AGPAT3: variants seen among roughly 807,000 people sequenced by gnomAD.
The protein encoded by AGPAT3 is 1-acyl-sn-glycerol-3-phosphate acyltransferase gamma.
AGPAT3 carries 5 observed loss-of-function variants against 47.3 expected under a neutral mutation model. The observed-to-expected ratio is 0.11, with a 90% CI of 0.06 to 0.22. The LOEUF (loss-of-function observed/expected upper bound fraction) is 0.22, where lower values mean the gene tolerates loss of function less well. Among genes scored for constraint, AGPAT3 ranks in the 10% least tolerant of loss-of-function variants. The pLI is 1.00. For missense variants in AGPAT3, 315 were observed against 493.0 expected, an observed-to-expected ratio of 0.64 and a Z score of 3.42; for synonymous variants, 212 against 208.3, an observed-to-expected ratio of 1.02 and a Z score of -0.15.
chr21:43,959,082 T>TGTGTGGCATGTGTGTGGTTTGC (rs1555909854), intron 2 of AGPAT3, among the ~76,000 whole-genome samples: 3 of 121,986 alleles, frequency 2.5e-5, no homozygotes, highest in Non-Finnish European at 5.0e-5. Flanking sequence ...GTGTGGTTTG[T>TGTGTGGCATGTGTGTGGTTTGC]GGTGTGTGTG....
intron 2 of AGPAT3, among the ~76,000 whole-genome samples, chr21:43,910,989 TTACTC>T (rs751573870): frequency 5.3e-5 from 8 of 152,218 alleles, no homozygotes; most frequent in Non-Finnish European, 8.8e-5. Context: ...ATTGCATTCT[TTACTC>T]CATTCCACAT....
intron 7 of AGPAT3, among the ~76,000 whole-genome samples, chr21:43,974,180 A>G (rs544306022): frequency 6.6e-6 from 1 of 151,980 alleles, no homozygotes; most frequent in Admixed American, 6.6e-5. Context: ...TGTGTGTTGT[A>G]TATGGGTGTG....
intron 2 of AGPAT3, among the ~76,000 whole-genome samples, chr21:43,951,447 G>A (rs3827249): frequency 0.27 from 40,842 of 152,114 alleles, 5,517 homozygotes; most frequent in Admixed American, 0.33. Context: ...TCGGAAGGGC[G>A]GCTTGGGCAG....
rs2030077763 is a variant in AGPAT3, at chr21:43,984,701, G to GTT, written c.*2309_*2310insTT. On this transcript the variant is annotated 3_prime_UTR_variant, in exon 10 of 10. Transcript: ENST00000291572. ...TTTGAATTTTTTTTTTTTGGGGGGG[G>GTT]GAGGGTGGATTTTGCTTTTCATCCA... The GTT allele has an allele frequency of 6.3e-6, 1 of 158,926 alleles. No individual in the cohort carries two copies. The highest frequency in any genetic ancestry group is 6.0e-5 in the Admixed American group (1 of 16,580). 9.8% of individuals were successfully genotyped at this position (158,926 alleles called of 1,614,324 possible).
At chr21:43,899,253 G>A (rs1034980652) in intron 1 of AGPAT3, among the ~76,000 whole-genome samples, 11 of 152,304 alleles carry the variant, frequency 7.2e-5, no homozygotes, top group East Asian at 3.9e-4. Flanking sequence ...TGGCAGTGCC[G>A]TTCTTTCAGC....
chr21:43,898,150 C>T (rs988959888), intron 1 of AGPAT3, among the ~76,000 whole-genome samples: 4 of 152,124 alleles, frequency 2.6e-5, no homozygotes, highest in Middle Eastern at 3.4e-3. Context: ...AGAGGGAGAG[C>T]GACAGTTGGT....
At chr21:43,974,507 T>G (rs571480780) in intron 7 of AGPAT3, among the ~76,000 whole-genome samples, 2 of 151,594 alleles carry the variant, frequency 1.3e-5, no homozygotes, top group East Asian at 3.9e-4. Context: ...GTGTGGGGTA[T>G]GTGTGGTATA....
In AGPAT3 at chr21:43,983,949, T is replaced by C. The variant is rs1175250461; in HGVS notation, c.*1557T>C. The C allele has an allele frequency of 1.3e-5, 2 of 152,200 alleles. No individual in the cohort carries two copies. Among genetic ancestry groups the C allele is most frequent in the East Asian group, 1.9e-4 (1 of 5,194 alleles). 9.4% of individuals were successfully genotyped at this position (152,200 alleles called of 1,614,324 possible). The stretch of plus-strand genomic sequence containing the variant: ...AGTAAACCGAGAACATAATTAGGCA[T>C]CGGGCCTAAGTGTCCTGGGGAGATT... On this transcript the variant is annotated 3_prime_UTR_variant, in exon 10 of 10. Transcript: ENST00000291572.
chr21:43,898,299 T>G (rs2086275053), intron 1 of AGPAT3, among the ~76,000 whole-genome samples: 1 of 152,238 alleles, frequency 6.6e-6, no homozygotes. Context: ...TTTCCTTTCC[T>G]TCTCCTTTCT....
At chr21:43,918,430 C>G (rs2086807527) in intron 2 of AGPAT3, among the ~76,000 whole-genome samples, 1 of 151,918 alleles carries the variant, frequency 6.6e-6, no homozygotes, top group African/African-American at 2.4e-5. Context: ...GGTATAATTG[C>G]ATTTCTAAAG....
At chr21:43,894,445 TGA>T in intron 1 of AGPAT3, among the ~76,000 whole-genome samples, 1 of 152,076 alleles carries the variant, frequency 6.6e-6, no homozygotes, top group Non-Finnish European at 1.5e-5. Flanking sequence ...ACCCACTATA[TGA>T]CTCACCCATT....
Position 43,970,807 on chromosome 21 carries a change from GT to G in AGPAT3, c.664+2del. On this transcript the variant is annotated splice_donor_variant, in intron 6 of 9. Coordinates refer to ENST00000291572, the MANE Select transcript of AGPAT3 (RefSeq NM_020132.5). LOFTEE classifies it high-confidence loss of function. This position sits in a 1 kb window ranked among gnomAD's most constrained non-coding sequence, Gnocchi z 5.8. ...GCAGTCAAGTGCCTCCGGGGGACAGGTAGGCCCCAGACTGCCCGAGCCGGGG... is the reference window on the plus strand; with the variant it reads ...GCAGTCAAGTGCCTCCGGGGGACAGGAGGCCCCAGACTGCCCGAGCCGGGG... 1 of 1,570,180 alleles carries G rather than the reference GT, an allele frequency of 6.4e-7. No homozygotes were observed. Among genetic ancestry groups the G allele is most frequent in the Non-Finnish European group, 8.7e-7 (1 of 1,152,222 alleles).
chr21:43,978,109 G>A lies in AGPAT3; in HGVS notation c.831G>A (p.Leu277=). The part of the protein sequence containing the change: ...EKEAAQWLHK[L]YQEKDALQEI... ...AAGCAGCTCAGTGGCTTCATAAACT[G>A]TACCAGGAGAAGGTAAGCAGGCTCT... Residue 277 remains leucine, a synonymous_variant, in exon 8 of 10, where the codon CTG becomes CTA. Transcript: ENST00000291572. 10 of 1,613,436 alleles carry A rather than the reference G, an allele frequency of 6.2e-6. No individual in the cohort carries two copies. Among genetic ancestry groups the A allele is most frequent in the Non-Finnish European group, 8.5e-6 (10 of 1,179,850 alleles).
chr21:43,973,052 G>A (rs2089462557), intron 7 of AGPAT3, among the ~76,000 whole-genome samples: 1 of 152,298 alleles, frequency 6.6e-6, no homozygotes, highest in East Asian at 1.9e-4. Flanking sequence ...GAAGCAAAAC[G>A]ACACCACCCA....
chr21:43,944,895 G>A (rs998076646), intron 2 of AGPAT3, among the ~76,000 whole-genome samples: 2 of 152,204 alleles, frequency 1.3e-5, no homozygotes, highest in Admixed American at 6.5e-5. Flanking sequence ...GGTGCGGGGG[G>A]GCCACGTGCC....
In AGPAT3 at chr21:43,986,090, C is replaced by T. The variant is rs956489488; in HGVS notation, c.*3698C>T. ...GTGGGGCCGACCTGGGGGATGCAGA[C>T]ATCCGGCTCCGTATTCCTGCCTATC... is the stretch of plus-strand genomic sequence containing the variant. On this transcript the variant is annotated 3_prime_UTR_variant, in exon 10 of 10. Transcript: ENST00000291572. 2.6e-5 allele frequency: 4 copies of T among 152,262 alleles called. No individual in the cohort carries two copies. Among genetic ancestry groups the T allele is most frequent in the African/African-American group, 7.2e-5 (3 of 41,472 alleles). 9.4% of individuals were successfully genotyped at this position (152,262 alleles called of 1,614,324 possible).
intron 1 of AGPAT3, among the ~76,000 whole-genome samples, chr21:43,878,009 C>T (rs186763433): frequency 6.0e-4 from 91 of 152,188 alleles, no homozygotes; most frequent in Non-Finnish European, 9.7e-4. Flanking sequence ...CGTGGTCTTG[C>T]GTGGGGTCGC....
At chr21:43,911,258 C>A (rs910893680) in intron 2 of AGPAT3, among the ~76,000 whole-genome samples, 3 of 152,258 alleles carry the variant, frequency 2.0e-5, no homozygotes, top group African/African-American at 7.2e-5. Context: ...GGCACACACA[C>A]ACATGTGCAT....
chr21:43,875,521 C>A (rs1332548716), intron 1 of AGPAT3, among the ~76,000 whole-genome samples: 1 of 152,220 alleles, frequency 6.6e-6, no homozygotes, highest in Non-Finnish European at 1.5e-5. Flanking sequence ...ACCTTTCAGT[C>A]TTTTTATGCT....
Sources: allele counts gnomAD v4.1 joint callset (sites outside exome capture counted in the v4.1 genomes callset), GRCh38; gene constraint gnomAD v4.1.1; non-coding constraint Gnocchi (gnomAD v3.1); transcripts MANE v1.5; gene names NCBI Gene and HGNC (gene_info 2026-07-23, HGNC 2026-07-21).